Variants in MEGF11 observed in about 807,000 individuals in gnomAD.
The protein encoded by MEGF11 is multiple EGF like domains 11.
Under a neutral mutation model 146.6 loss-of-function variants are expected in MEGF11, and 126 were observed. The observed-to-expected ratio is 0.86, with a 90% CI of 0.74 to 1.00. The LOEUF (loss-of-function observed/expected upper bound fraction) is 1.00. Ranked by LOEUF, MEGF11 falls within the 50% of genes least tolerant of loss-of-function variation. MEGF11 has a pLI of 0.00. For synonymous variants in MEGF11, 532 were observed against 583.4 expected (o/e 0.91, Z 1.27); for missense variants, 1,509 against 1,521.2 (o/e 0.99, Z 0.13).
intron 5 of MEGF11, among the ~76,000 whole-genome samples, chr15:66,008,496 C>A (rs549580102): frequency 6.6e-6 from 1 of 152,132 alleles, no homozygotes; most frequent in East Asian, 1.9e-4. Context: ...GATGAGGATG[C>A]TTCTGCCCCT....
chr15:66,155,976 T>C (rs2089742749), intron 1 of MEGF11, among the ~76,000 whole-genome samples: 1 of 152,152 alleles, frequency 6.6e-6, no homozygotes, highest in African/African-American at 2.4e-5. Context: ...CCCATCAGCC[T>C]GGGATTTGCT....
At chr15:66,189,353 A>C (rs547772351) in intron 1 of MEGF11, among the ~76,000 whole-genome samples, 1 of 152,164 alleles carries the variant, frequency 6.6e-6, no homozygotes, top group African/African-American at 2.4e-5. Flanking sequence ...TGTAATAAAC[A>C]TAACGAATGT....
intron 10 of MEGF11, among the ~76,000 whole-genome samples, chr15:65,945,286 C>T (rs1162183701): frequency 6.6e-6 from 1 of 152,206 alleles, no homozygotes; most frequent in Non-Finnish European, 1.5e-5. Flanking sequence ...CCACACAGAA[C>T]ACGGGCCTGG....
intron 10 of MEGF11, among the ~76,000 whole-genome samples, chr15:65,944,102 C>T (rs534770620): frequency 1.3e-5 from 2 of 152,216 alleles, no homozygotes; most frequent in Non-Finnish European, 2.9e-5. Context: ...CACATATTTA[C>T]TGACACTCTG....
chr15:66,211,463 G>A (rs980928405), intron 1 of MEGF11, among the ~76,000 whole-genome samples: 3 of 150,292 alleles, frequency 2.0e-5, no homozygotes, highest in East Asian at 4.0e-4. Context: ...GGGGGAGCTT[G>A]CAGTGAGCCA....
intron 1 of MEGF11, among the ~76,000 whole-genome samples, chr15:66,158,568 C>G (rs2089845198): frequency 6.6e-6 from 1 of 152,238 alleles, no homozygotes; most frequent in Non-Finnish European, 1.5e-5. Flanking sequence ...TCAGAATCAT[C>G]TGGGGTTGCA....
chr15:65,991,854 C>T (rs2082052801), intron 5 of MEGF11, among the ~76,000 whole-genome samples: 1 of 152,244 alleles, frequency 6.6e-6, no homozygotes, highest in Admixed American at 6.5e-5. Context: ...TGCCTCCCAT[C>T]ACACCAGCTA....
At chr15:66,127,205 G>A (rs1050535195) in intron 2 of MEGF11, among the ~76,000 whole-genome samples, 6 of 152,338 alleles carry the variant, frequency 3.9e-5, no homozygotes, top group African/African-American at 1.4e-4. Flanking sequence ...AATGAACTGA[G>A]GTCTTCTCAT....
chr15:66,054,399 C>G (rs572715979), intron 5 of MEGF11, among the ~76,000 whole-genome samples: 2 of 152,188 alleles, frequency 1.3e-5, no homozygotes, highest in African/African-American at 4.8e-5. Context: ...CTCCACCTGC[C>G]CCCACAGACT....
chr15:65,989,201 G>A (rs1275250788), intron 5 of MEGF11, among the ~76,000 whole-genome samples: 1 of 152,116 alleles, frequency 6.6e-6, no homozygotes, highest in Non-Finnish European at 1.5e-5. Context: ...GGCTGGAGGT[G>A]GGGTGGGAGA....
At chr15:65,905,098 G>A (rs2078587417) in intron 24 of MEGF11, among the ~76,000 whole-genome samples, 1 of 152,138 alleles carries the variant, frequency 6.6e-6, no homozygotes, top group South Asian at 2.1e-4. Flanking sequence ...TTGCCATGTT[G>A]GCCAGGCTGG....
At chr15:66,168,157 C>T (rs1472124895) in intron 1 of MEGF11, among the ~76,000 whole-genome samples, 2 of 152,032 alleles carry the variant, frequency 1.3e-5, no homozygotes, top group Non-Finnish European at 2.9e-5. Context: ...ACCTCCAGCT[C>T]GTCTTCTCCT....
intron 2 of MEGF11, 89 bp from the exon 3 acceptor site, chr15:66,124,089 G>A (rs1351490222): frequency 9.5e-7 from 1 of 1,051,230 alleles, no homozygotes; most frequent in East Asian, 2.4e-5. Context: ...ACAGCCCTGA[G>A]GCCAAGCTCC....
At chr15:66,160,034 G>A (rs142445822) in intron 1 of MEGF11, among the ~76,000 whole-genome samples, 54 of 152,138 alleles carry the variant, frequency 3.5e-4, no homozygotes, top group Non-Finnish European at 6.6e-4. Flanking sequence ...TTTGCTAATG[G>A]AACTCCAATT....
chr15:65,933,630 A>C (rs1402889881), intron 10 of MEGF11, among the ~76,000 whole-genome samples: 1 of 152,192 alleles, frequency 6.6e-6, no homozygotes, highest in African/African-American at 2.4e-5. Flanking sequence ...TTCCCAGAGA[A>C]GAAAAGGGAG....
At chr15:65,967,183 C>G (rs1334955601) in intron 8 of MEGF11, 1 of 152,144 alleles carries the variant, frequency 6.6e-6, no homozygotes, top group African/African-American at 2.4e-5. Flanking sequence ...TAGAAAGGCG[C>G]CCAGACCATA....
chr15:65,960,119 T>C (rs1276473851), intron 9 of MEGF11, among the ~76,000 whole-genome samples: 1 of 152,208 alleles, frequency 6.6e-6, no homozygotes, highest in Non-Finnish European at 1.5e-5. Context: ...CTTTCAAATA[T>C]GAAAATATAT....
intron 1 of MEGF11, among the ~76,000 whole-genome samples, chr15:66,221,779 T>G (rs1201736295): frequency 6.6e-6 from 1 of 152,140 alleles, no homozygotes; most frequent in Non-Finnish European, 1.5e-5. Flanking sequence ...AGAATTAAAC[T>G]TTGGGGTAAA....
At chr15:65,910,539 C>T (rs143279238) in intron 21 of MEGF11, among the ~76,000 whole-genome samples, 1 of 152,118 alleles carries the variant, frequency 6.6e-6, no homozygotes, top group Non-Finnish European at 1.5e-5. Flanking sequence ...GACTGGTTAA[C>T]CACAGAGAGC....
Sources: allele counts gnomAD v4.1 joint callset (sites outside exome capture counted in the v4.1 genomes callset), GRCh38; gene constraint gnomAD v4.1.1; transcripts MANE v1.5; gene names NCBI Gene and HGNC (gene_info 2026-07-23, HGNC 2026-07-21).